Variants in SLAMF6 observed in about 807,000 individuals in gnomAD.
SLAMF6 encodes the protein SLAM family member 6, also known as NK-T-B-antigen.
A neutral mutation model predicts 38.3 loss-of-function variants in SLAMF6; 21 were observed. The observed-to-expected ratio is 0.55, with a 90% CI of 0.39 to 0.79. The LOEUF is 0.79. SLAMF6 is among the 30% of genes least tolerant of loss of function. SLAMF6 has a pLI of 0.00. For missense variants in SLAMF6, 341 were observed against 385.3 expected, an observed-to-expected ratio of 0.89 and a Z score of 0.96; for synonymous variants, 152 against 146.3, an observed-to-expected ratio of 1.04 and a Z score of -0.28.
chr1:160,487,316 A>C, intron 6 of SLAMF6, 141 bp from the exon 7 acceptor site: 2 of 716,200 alleles, frequency 2.8e-6, no homozygotes, highest in Non-Finnish European at 4.6e-6. Flanking sequence ...GTTCAGTGGA[A>C]GACCAAGCAC....
intron 1 of SLAMF6, among the ~76,000 whole-genome samples, chr1:160,508,176 A>G (rs1654287214): frequency 6.6e-6 from 1 of 152,204 alleles, no homozygotes; most frequent in Non-Finnish European, 1.5e-5. Flanking sequence ...TTCATATGGA[A>G]CCAAAAAAGA....
rs1172316971 is a variant in SLAMF6, at chr1:160,516,442, A to G, written c.49+6702T>C. Reference sequence around the variant, plus strand: ...GACCATACTGCCCGAAGTAATTAATAGATTCACTACTATTCCCATTAAACT... The same window carrying G: ...GACCATACTGCCCGAAGTAATTAATGGATTCACTACTATTCCCATTAAACT... On this transcript the variant is annotated intron_variant, in intron 1 of 7. Coordinates refer to ENST00000368057, the MANE Select transcript of SLAMF6 (RefSeq NM_001184714.2). 3.3e-5 allele frequency among the ~76,000 whole-genome samples: 5 copies of G among 152,334 alleles called. No homozygotes were observed. The South Asian group carries it at 6.2e-4, about 19-fold the overall frequency.
chr1:160,505,178 A>T (rs183572438), intron 1 of SLAMF6, among the ~76,000 whole-genome samples: 1 of 152,358 alleles, frequency 6.6e-6, no homozygotes, highest in African/African-American at 2.4e-5. Context: ...TAGTCACTAA[A>T]AAAACAAGAA....
intron 1 of SLAMF6, among the ~76,000 whole-genome samples, chr1:160,508,431 G>T (rs1053952720): frequency 6.6e-6 from 1 of 152,144 alleles, no homozygotes; most frequent in African/African-American, 2.4e-5. Context: ...TTTAATAAAT[G>T]GTGCTGGGAA....
intron 1 of SLAMF6, among the ~76,000 whole-genome samples, chr1:160,518,563 C>G (rs1318773417): frequency 6.6e-6 from 1 of 152,010 alleles, no homozygotes; most frequent in Non-Finnish European, 1.5e-5. Flanking sequence ...AAATGTGGTA[C>G]GTATACACCA....
chr1:160,491,226 G>C lies in SLAMF6; in HGVS notation c.545C>G (p.Ser182Cys), dbSNP rs200103158. ...TTCACTGGAAATCCTGGGGTCCCAG[G>C]AGACAGTGAGGTTTGGCTGACTTGA... ...TLSSQPNLTV[S>C]WDPRISSEQD... The change falls in exon 3 of 8, where the codon TCC becomes TGC. Residue 182 changes from serine (S) to cysteine (C), a missense_variant. By Grantham distance (112) the Ser-to-Cys change is moderately radical. Transcript: ENST00000368057. 6.2e-7 allele frequency: 1 copy of C among 1,614,070 alleles called. No individual in the cohort carries two copies. Among genetic ancestry groups the C allele is most frequent in the African/African-American group, 1.3e-5 (1 of 75,026 alleles).
chr1:160,497,567 G>T (rs914919141), intron 1 of SLAMF6, among the ~76,000 whole-genome samples: 1 of 152,020 alleles, frequency 6.6e-6, no homozygotes, highest in Non-Finnish European at 1.5e-5. Context: ...TGTTACATGG[G>T]TATATCACAC....
At chr1:160,486,872 A>T in intron 7 of SLAMF6, 118 bp from the exon 8 acceptor site, 1 of 1,154,190 alleles carries the variant, frequency 8.7e-7, no homozygotes, top group Non-Finnish European at 1.3e-6. Context: ...AGATATTGAT[A>T]GCATAGGGCA....
intron 1 of SLAMF6, among the ~76,000 whole-genome samples, chr1:160,511,274 A>T (rs1236089128): frequency 6.6e-6 from 1 of 152,240 alleles, no homozygotes; most frequent in Non-Finnish European, 1.5e-5. Flanking sequence ...ACAATATTGT[A>T]AAAGAAAAGC....
rs12143593 is a variant in SLAMF6 at position 160,496,648 on chromosome 1, G to A, written c.50-255C>T. Among the ~76,000 whole-genome samples the A allele has an allele frequency of 7.4e-3, 1,132 of 152,272 alleles. 5 individuals are homozygous for A. The highest frequency in any genetic ancestry group is 0.012 in the Non-Finnish European group (811 of 68,006). ...ATGAAACCGGCCCAGTCCACGCTGG[G>A]TCCTACACTGGCTGGTCACTCCTAG... is the stretch of plus-strand genomic sequence containing the variant. On this transcript the variant is annotated intron_variant, in intron 1 of 7. Transcript: ENST00000368057.
intron 1 of SLAMF6, among the ~76,000 whole-genome samples, chr1:160,499,993 G>T (rs1361750966): frequency 3.9e-5 from 6 of 152,182 alleles, no homozygotes; most frequent in Non-Finnish European, 7.3e-5. Context: ...ACAAATATAT[G>T]ATTCTATTTA....
In SLAMF6 at chr1:160,501,003, T is replaced by C. The variant is rs77381730; in HGVS notation, c.50-4610A>G. 1.2e-4 allele frequency among the ~76,000 whole-genome samples: 19 copies of C among 152,352 alleles called. No homozygotes were observed. In the East Asian group the frequency reaches 3.3e-3, roughly 26 times the overall value. On this transcript the variant is annotated intron_variant, in intron 1 of 7. Transcript: ENST00000368057. Reference sequence around the variant, plus strand: ...CTGCTTACAAGAAGAAAGTCAAGGCTAAGGCAGAGTGGTAGCCTGTCTAGG... The same window carrying C: ...CTGCTTACAAGAAGAAAGTCAAGGCCAAGGCAGAGTGGTAGCCTGTCTAGG...
intron 5 of SLAMF6, 44 bp downstream of exon 5, chr1:160,490,154 T>A: frequency 6.2e-7 from 1 of 1,604,762 alleles, no homozygotes; most frequent in Non-Finnish European, 8.5e-7. Context: ...ATTTGGCTCT[T>A]CCCATCTGCT....
At chr1:160,514,843 G>A (rs1387509191) in intron 1 of SLAMF6, among the ~76,000 whole-genome samples, 1 of 152,120 alleles carries the variant, frequency 6.6e-6, no homozygotes, top group East Asian at 1.9e-4. Context: ...ATCTCTGGAT[G>A]CAGCTAAAGC....
chr1:160,502,019 C>T (rs975905814), intron 1 of SLAMF6, among the ~76,000 whole-genome samples: 2 of 152,156 alleles, frequency 1.3e-5, no homozygotes, highest in African/African-American at 4.8e-5. Context: ...TTAAAAGACC[C>T]TGCATGAGAC....
At chr1:160,490,767 A>T in intron 3 of SLAMF6, 82 bp from the exon 4 acceptor site, 2 of 1,541,260 alleles carry the variant, frequency 1.3e-6, no homozygotes, top group Non-Finnish European at 1.7e-6. Context: ...AGCCTCTTCT[A>T]GGCCATCTTT....
chr1:160,514,494 A>G (rs529556724), intron 1 of SLAMF6, among the ~76,000 whole-genome samples: 79 of 152,342 alleles, frequency 5.2e-4, no homozygotes, highest in African/African-American at 1.8e-3. Context: ...TCAGCTCTAG[A>G]TCAAGTGGAC....
rs10648306 is a variant in SLAMF6, at chr1:160,504,017, C to CAAAA, written c.50-7628_50-7625dup. 6.6e-3 allele frequency among the ~76,000 whole-genome samples: 573 copies of CAAAA among 86,592 alleles called. 23 individuals are homozygous for CAAAA. Among genetic ancestry groups the CAAAA allele is most frequent in the African/African-American group, 0.028 (546 of 19,326 alleles). 56.8% of individuals were successfully genotyped at this position (86,592 alleles called of 152,430 possible). A position where few individuals can be genotyped will look rare whatever the true frequency, so the allele number is the denominator to read the frequency against. On this transcript the variant is annotated intron_variant, in intron 1 of 7. Transcript: ENST00000368057. ...TGGGTGACAGAGTGAGACTCTATCTCAAAAAAAAAAAAAAAAAGCAAAAGA... is the reference window on the plus strand; with the variant it reads ...TGGGTGACAGAGTGAGACTCTATCTCAAAAAAAAAAAAAAAAAAAAAGCAAAAGA...
At position 160,491,304 on chromosome 1, in the gene SLAMF6, T is replaced by C; in HGVS notation, c.467A>G (p.Glu156Gly). ...TCELHLTCSV[E>G]DADDNVSFRW... ...GAATGAGACATTGTCATCTGCATCC[T>C]CCACAGAGCAAGTCAGATGGAGCTC... The change falls in exon 3 of 8, where the codon GAG (glutamate) becomes GGG (glycine). Residue 156 changes from glutamate (E) to glycine (G), a missense_variant. Coordinates refer to ENST00000368057, the MANE Select transcript of SLAMF6 (RefSeq NM_001184714.2). 1 of 1,614,020 alleles carries C rather than the reference T, an allele frequency of 6.2e-7. No homozygotes were observed. Among genetic ancestry groups the C allele is most frequent in the East Asian group, 2.2e-5 (1 of 44,884 alleles).
Sources: gnomAD v4.1 joint callset for allele counts (sites outside exome capture counted in the v4.1 genomes callset) on GRCh38, gnomAD v4.1.1 for gene constraint, MANE v1.5 for transcripts, NCBI Gene and HGNC (gene_info 2026-07-23, HGNC 2026-07-21) for gene names.